The following MTA3 variants were observed in gnomAD, a reference collection of about 807,000 sequenced individuals.
The protein encoded by MTA3 is metastasis associated 1 family member 3, also known as metastasis-associated protein MTA3.
MTA3 carries 34 observed loss-of-function variants against 83.5 expected under a neutral mutation model. The ratio of observed to expected loss-of-function variants is 0.41; its 90% confidence interval spans 0.31 to 0.54. The LOEUF is 0.54. Ranked by LOEUF, MTA3 falls within the 20% of genes least tolerant of loss-of-function variation. The pLI, the probability that MTA3 is intolerant of heterozygous loss-of-function variation, is 0.33. For missense variants in MTA3, 761 were observed against 726.4 expected (o/e 1.05, Z -0.55); for synonymous variants, 303 against 252.7 (o/e 1.20, Z -1.89).
At chr2:42,567,789 A>G (rs1449346774), upstream of MTA3, among the ~76,000 whole-genome samples, 1 of 152,094 alleles carries the variant, frequency 6.6e-6, no homozygotes, top group African/African-American at 2.4e-5. Context: ...ATTGAATACA[A>G]TCTCCTCTGT....
Position 42,682,423 on chromosome 2 carries a change from A to G in MTA3, c.725A>G (p.Tyr242Cys), listed in dbSNP as rs1005425511. Residue 242 changes from tyrosine (Y) to cysteine (C), a missense_variant, in exon 9 of 17, where the codon TAT (tyrosine) becomes TGT (cysteine). Physicochemically the swap from Tyr to Cys is radical, Grantham distance 194. Transcript: ENST00000405094. ...TAGTTTCACGCTATGGATACATTGT[A>G]TAGACACAGCTATGATTTGAGCAGT... ...ITLFHAMDTL[Y>C]RHSYDLSSAI... The G allele has an allele frequency of 2.5e-6, 4 of 1,608,558 alleles. No homozygotes were observed. Among genetic ancestry groups the G allele is most frequent in the South Asian group, 2.2e-5 (2 of 90,076 alleles).
intron 3 of MTA3, among the ~76,000 whole-genome samples, chr2:42,585,228 A>G (rs1233219409): frequency 6.6e-6 from 1 of 151,754 alleles, no homozygotes; most frequent in Non-Finnish European, 1.5e-5. Flanking sequence ...AGCTGGGATT[A>G]CAGGCATGTG....
chr2:42,685,400 G>C (rs1420328117), intron 9 of MTA3, among the ~76,000 whole-genome samples: 1 of 152,140 alleles, frequency 6.6e-6, no homozygotes, highest in African/African-American at 2.4e-5. Flanking sequence ...TTGTGACTTT[G>C]AAAGTCACAC....
chr2:42,649,234 A>G (rs2104335356), intron 6 of MTA3, among the ~76,000 whole-genome samples: 1 of 152,114 alleles, frequency 6.6e-6, no homozygotes, highest in South Asian at 2.1e-4. Context: ...CATCTCTACT[A>G]AAAAATACAA....
intron 14 of MTA3, among the ~76,000 whole-genome samples, chr2:42,718,438 G>C (rs557062960): frequency 1.3e-5 from 2 of 151,702 alleles, no homozygotes; most frequent in African/African-American, 4.8e-5. Context: ...TAGAGATGGG[G>C]TTTCTCCATG....
chr2:42,555,623 C>A (rs990140521), intron 2 of MTA3, among the ~76,000 whole-genome samples: 6 of 149,686 alleles, frequency 4.0e-5, no homozygotes, highest in African/African-American at 1.5e-4. Context: ...AAAAAATTAG[C>A]CAGGTGTGGT....
At chr2:42,553,423 CAA>C (rs35686153) in intron 2 of MTA3, among the ~76,000 whole-genome samples, 3 of 122,560 alleles carry the variant, frequency 2.4e-5, no homozygotes, top group Admixed American at 8.7e-5. Context: ...GACTCCATCT[CAA>C]AAAAAAAAAA....
intron 8 of MTA3, among the ~76,000 whole-genome samples, chr2:42,679,732 G>T (rs1416911587): frequency 6.6e-6 from 1 of 152,076 alleles, no homozygotes; most frequent in Non-Finnish European, 1.5e-5. Flanking sequence ...GCTACACCAA[G>T]GATTACCTCC....
intron 3 of MTA3, among the ~76,000 whole-genome samples, chr2:42,600,894 A>T (rs756723664): frequency 1.3e-5 from 2 of 151,076 alleles, no homozygotes; most frequent in Non-Finnish European, 3.0e-5. Flanking sequence ...TTGTCTCTGG[A>T]TTTTTTTCTT....
intron 9 of MTA3, among the ~76,000 whole-genome samples, chr2:42,693,888 A>G (rs887541958): frequency 3.9e-5 from 6 of 152,148 alleles, no homozygotes; most frequent in Non-Finnish European, 8.8e-5. Context: ...TAGTCAGCAC[A>G]TCTCAGAGCC....
At position 42,586,477 on chromosome 2, in the gene MTA3, AACAC is replaced by A. The variant is rs573814961; in HGVS notation, c.190+7311_190+7314del. Among the ~76,000 whole-genome samples the A allele has an allele frequency of 4.1e-3, 300 of 72,702 alleles. 3 individuals carry two copies. The highest frequency in any genetic ancestry group is 0.024 in the Middle Eastern group (3 of 126). 47.7% of individuals were successfully genotyped at this position (72,702 alleles called of 152,430 possible). On this transcript the variant is annotated intron_variant, in intron 3 of 16. Coordinates refer to ENST00000405094, the MANE Select transcript of MTA3 (RefSeq NM_001330442.2). ...GAAACCGGTACAAAGAAGGAAGGAA[AACAC>A]ACACACACACACACACACACACACA...
At chr2:42,568,819 G>C (rs1327756539) in intron 1 of MTA3, 46 bp downstream of exon 1, 14 of 1,212,928 alleles carry the variant, frequency 1.2e-5, no homozygotes, top group Non-Finnish European at 1.1e-5. Flanking sequence ...GCGGGTTCCG[G>C]GAGCGGGGGG....
intron 2 of MTA3, among the ~76,000 whole-genome samples, chr2:42,536,908 G>A (rs1676271863): frequency 6.7e-6 from 1 of 148,770 alleles, no homozygotes; most frequent in Non-Finnish European, 1.5e-5. Context: ...CATGTCCCAT[G>A]TTTGACCCCA....
chr2:42,550,664 T>C (rs1309123278), intron 2 of MTA3, among the ~76,000 whole-genome samples: 1 of 152,016 alleles, frequency 6.6e-6, no homozygotes, highest in Non-Finnish European at 1.5e-5. Context: ...GGGGGACAGA[T>C]TGTAAAGGGC....
rs200032745 is a variant in MTA3 at position 42,627,883 on chromosome 2, C to CTTTTG, written c.318-12274_318-12270dup. 1.7e-4 allele frequency among the ~76,000 whole-genome samples: 26 copies of CTTTTG among 151,164 alleles called. No individual in the cohort carries two copies. The East Asian group carries it at 3.3e-3, about 19-fold the overall frequency. ...ATGAGCCACCATTCCCTGCCAGGTT[C>CTTTTG]TTTTGTTTTGTTTTGTTTTGAGACA... is the stretch of plus-strand genomic sequence containing the variant. On this transcript the variant is annotated intron_variant, in intron 4 of 16. Transcript: ENST00000405094.
chr2:42,607,287 G>C (rs1453462021), intron 3 of MTA3, among the ~76,000 whole-genome samples: 1 of 152,200 alleles, frequency 6.6e-6, no homozygotes, highest in African/African-American at 2.4e-5. Flanking sequence ...TTAAGCGTAT[G>C]TGGGTGCTGC....
upstream of MTA3, chr2:42,494,234 G>A (rs1398800839): frequency 1.3e-5 from 2 of 152,108 alleles, no homozygotes; most frequent in African/African-American, 4.8e-5. Flanking sequence ...GGCGGGGAGG[G>A]GTCCGCAGGG....
At chr2:42,694,620 C>T (rs1693215512) in intron 9 of MTA3, among the ~76,000 whole-genome samples, 1 of 151,850 alleles carries the variant, frequency 6.6e-6, no homozygotes, top group African/African-American at 2.4e-5. Context: ...CACTGCAAGG[C>T]CTCTGCCAGG....
At chr2:42,589,507 A>T (rs1039821759) in intron 3 of MTA3, among the ~76,000 whole-genome samples, 5 of 152,038 alleles carry the variant, frequency 3.3e-5, no homozygotes, top group African/African-American at 1.2e-4. Context: ...CTTTTTTCCA[A>T]TTTTAATAAA....
Sources: gnomAD v4.1 joint callset for allele counts (sites outside exome capture counted in the v4.1 genomes callset) on GRCh38, gnomAD v4.1.1 for gene constraint, MANE v1.5 for transcripts, NCBI Gene and HGNC (gene_info 2026-07-23, HGNC 2026-07-21) for gene names.